The following CAT variants were observed in gnomAD, a reference collection of about 807,000 sequenced individuals.
The protein encoded by CAT is epididymis secretory sperm binding protein.
In CAT, 43 loss-of-function variants were observed where a neutral mutation model predicts 59.0. That is an observed-to-expected ratio of 0.73 (90% CI 0.57 to 0.94). The LOEUF is 0.94. CAT is among the 40% of genes least tolerant of loss of function. The probability of loss-of-function intolerance (pLI) is 0.00; values close to 1 mark genes in which losing one functional copy is unlikely to be tolerated. For missense variants in CAT, 664 were observed against 682.9 expected, an observed-to-expected ratio of 0.97 and a Z score of 0.31; for synonymous variants, 218 against 230.9, an observed-to-expected ratio of 0.94 and a Z score of 0.51.
At chr11:34,463,809 A>G (rs1000307684) in intron 9 of CAT, among the ~76,000 whole-genome samples, 2 of 152,212 alleles carry the variant, frequency 1.3e-5, no homozygotes, top group Non-Finnish European at 2.9e-5. Flanking sequence ...TGTACCCCTC[A>G]GAAGACTTGA....
intron 11 of CAT, among the ~76,000 whole-genome samples, chr11:34,469,592 G>A (rs1236192149): frequency 1.3e-5 from 2 of 151,858 alleles, no homozygotes; most frequent in Non-Finnish European, 1.5e-5. Context: ...CTTACTCTGA[G>A]GTCAGCTCTT....
intron 1 of CAT, among the ~76,000 whole-genome samples, chr11:34,446,735 G>A (rs1480308177): frequency 2.1e-5 from 3 of 145,174 alleles, no homozygotes; most frequent in Non-Finnish European, 4.5e-5. Context: ...ACCTTTTATG[G>A]GATGTCCCCC....
Position 34,451,081 on chromosome 11 carries a change from T to G in CAT, c.332T>G (p.Val111Gly). The change falls in exon 3 of 13, where the codon GTT (valine) becomes GGT (glycine). Residue 111 changes from valine (V) to glycine (G), a missense_variant. Physicochemically the swap from Val to Gly is moderately radical, Grantham distance 109. Coordinates refer to ENST00000241052, the MANE Select transcript of CAT (RefSeq NM_001752.4). ...EHIGKKTPIA[V>G]RFSTVAGESG... ...ATTGGAAAGAAGACTCCCATCGCAGTTCGGTTCTCCACTGTTGGTAAGTTG... is the reference window on the plus strand; with the variant it reads ...ATTGGAAAGAAGACTCCCATCGCAGGTCGGTTCTCCACTGTTGGTAAGTTG... 6.2e-7 allele frequency: 1 copy of G among 1,608,836 alleles called. No homozygotes were observed. Among genetic ancestry groups the G allele is most frequent in the Non-Finnish European group, 8.5e-7 (1 of 1,175,154 alleles).
chr11:34,452,965 T>G, intron 4 of CAT, 125 bp from the exon 5 acceptor site: 1 of 711,928 alleles, frequency 1.4e-6, no homozygotes, highest in Non-Finnish European at 2.5e-6. Flanking sequence ...GTTTGGCAGT[T>G]TAAAATTCTA....
In CAT at chr11:34,456,922, A is replaced by G. The variant is rs535522963; in HGVS notation, c.1056+105A>G. ...CTTTATGTGAGGAATTAACAAGAAC[A>G]TTACTTAAACTTTAATCTGGGTGCT... On this transcript the variant is annotated intron_variant, in intron 8 of 12. Coordinates refer to ENST00000241052, the MANE Select transcript of CAT (RefSeq NM_001752.4). 3.2e-5 allele frequency: 39 copies of G among 1,235,224 alleles called. No homozygotes were observed. In the African/African-American group the frequency reaches 3.3e-4, roughly 10 times the overall value. 76.5% of individuals were successfully genotyped at this position (1,235,224 alleles called of 1,614,324 possible). A position where few individuals can be genotyped will look rare whatever the true frequency, so the allele number is the denominator to read the frequency against.
At chr11:34,459,041 C>T (rs1379252046) in intron 8 of CAT, among the ~76,000 whole-genome samples, 3 of 151,496 alleles carry the variant, frequency 2.0e-5, no homozygotes, top group Non-Finnish European at 2.9e-5. Flanking sequence ...AGAAACTGTT[C>T]GAAAGAGCTT....
chr11:34,468,883 AAATCAGTC>A (rs892219633), intron 11 of CAT, among the ~76,000 whole-genome samples: 34 of 152,312 alleles, frequency 2.2e-4, no homozygotes, highest in African/African-American at 5.1e-4. Flanking sequence ...CCTGTCTCTA[AAATCAGTC>A]AATCAGTCAA....
intron 6 of CAT, among the ~76,000 whole-genome samples, chr11:34,455,648 C>T (rs1856579743): frequency 6.6e-6 from 1 of 151,782 alleles, no homozygotes; most frequent in Non-Finnish European, 1.5e-5. Flanking sequence ...TGATAAAAGG[C>T]AAGTAGTCCT....
rs1856491891 is a variant in CAT, at chr11:34,449,184, TC to T, written c.67-6del. ...ACTCTCCTGCACTTTCTTTCTGTGT[TC>T]CTGTAGAAAGCTGATGTCCTGACCA... On this transcript the variant is annotated splice_region_variant and splice_polypyrimidine_tract_variant and intron_variant, in intron 1 of 12. Transcript: ENST00000241052. 1 of 1,613,558 alleles carries T rather than the reference TC, an allele frequency of 6.2e-7. No homozygotes were observed. Among genetic ancestry groups the T allele is most frequent in the African/African-American group, 1.3e-5 (1 of 75,046 alleles).
In CAT at chr11:34,464,101, G is replaced by C; in HGVS notation, c.1196-4G>C. Reference sequence around the variant, plus strand: ...AAGTGCATCTGGGTGGTTTTGTTTTGAAGGTGGTGCTCCAAATTACTACCC... The same window carrying C: ...AAGTGCATCTGGGTGGTTTTGTTTTCAAGGTGGTGCTCCAAATTACTACCC... On this transcript the variant is annotated splice_polypyrimidine_tract_variant and splice_region_variant and intron_variant, in intron 9 of 12. Coordinates refer to ENST00000241052, the MANE Select transcript of CAT (RefSeq NM_001752.4). 6.2e-7 allele frequency: 1 copy of C among 1,614,096 alleles called. No homozygotes were observed. The highest frequency in any genetic ancestry group is 8.5e-7 in the Non-Finnish European group (1 of 1,180,010).
chr11:34,440,670 C>T (rs1025817639), intron 1 of CAT, among the ~76,000 whole-genome samples: 2 of 150,956 alleles, frequency 1.3e-5, no homozygotes, highest in African/African-American at 2.4e-5. Flanking sequence ...TCAAGCAATT[C>T]TCCTGCCTCA....
chr11:34,449,502 G>A, intron 2 of CAT, 139 bp downstream of exon 2: 1 of 679,330 alleles, frequency 1.5e-6, no homozygotes, highest in Non-Finnish European at 2.6e-6. Context: ...TCCAGCAGTA[G>A]GGAAATTAGT....
rs1856674024 is a variant in CAT at position 34,463,377 on chromosome 11, G to T, written c.1196-728G>T. Among the ~76,000 whole-genome samples, 6 of 152,130 alleles carry T rather than the reference G, an allele frequency of 3.9e-5. No individual in the cohort carries two copies. In the South Asian group the frequency reaches 1.0e-3, roughly 26 times the overall value. On this transcript the variant is annotated intron_variant, in intron 9 of 12. Transcript: ENST00000241052. ...CATTTTAAAAAATTCTTTGTTTATT[G>T]GTCTGTGGAGGGTATGAAAGTGAAG...
intron 10 of CAT, among the ~76,000 whole-genome samples, chr11:34,465,911 GAAGTGCAGGAAAAAA>G (rs1856709880): frequency 2.0e-5 from 3 of 152,326 alleles, no homozygotes; most frequent in Middle Eastern, 3.4e-3. Context: ...AGATGGAAAA[GAAGTGCAGGAAAAAA>G]AAGTGCAGTG....
chr11:34,466,780 CAAAAAAA>C (rs71457350), intron 10 of CAT, among the ~76,000 whole-genome samples: 2 of 41,144 alleles, frequency 4.9e-5, no homozygotes, highest in African/African-American at 7.2e-5. Flanking sequence ...GACTCCGTCT[CAAAAAAA>C]AAAAAAAAAA....
intron 6 of CAT, among the ~76,000 whole-genome samples, chr11:34,454,661 C>G (rs971406159): frequency 6.6e-6 from 1 of 152,184 alleles, no homozygotes; most frequent in Non-Finnish European, 1.5e-5. Context: ...ACTATCACCT[C>G]TTTTTATATT....
chr11:34,463,285 T>C (rs949100946), intron 9 of CAT, among the ~76,000 whole-genome samples: 17 of 152,196 alleles, frequency 1.1e-4, no homozygotes, highest in Middle Eastern at 3.4e-3. Flanking sequence ...TCATAGAAAA[T>C]ATTTTGATTG....
intron 8 of CAT, 149 bp from the exon 9 acceptor site, chr11:34,461,102 C>A: frequency 2.3e-6 from 2 of 855,966 alleles, no homozygotes; most frequent in South Asian, 1.3e-5. Flanking sequence ...AGAGTAGAGG[C>A]TTCACTCTTA....
At chr11:34,468,833 G>T (rs999069587) in intron 11 of CAT, among the ~76,000 whole-genome samples, 1 of 152,212 alleles carries the variant, frequency 6.6e-6, no homozygotes, top group African/African-American at 2.4e-5. Flanking sequence ...GATCGCTTGA[G>T]CCCAGGAATA....
Sources: gnomAD v4.1 joint callset for allele counts (sites outside exome capture counted in the v4.1 genomes callset) on GRCh38, gnomAD v4.1.1 for gene constraint, MANE v1.5 for transcripts, NCBI Gene and HGNC (gene_info 2026-07-23, HGNC 2026-07-21) for gene names.